Variants in STXBP5 observed in about 807,000 individuals in gnomAD.
The protein encoded by STXBP5 is syntaxin-binding protein 5.
A neutral mutation model predicts 152.4 loss-of-function variants in STXBP5; 50 were observed. The observed-to-expected ratio is 0.33, with a 90% CI of 0.26 to 0.42. STXBP5 has a LOEUF of 0.42. STXBP5 is among the 10% of genes least tolerant of loss of function. The probability of loss-of-function intolerance (pLI) is 1.00; values close to 1 mark genes in which losing one functional copy is unlikely to be tolerated. For synonymous variants in STXBP5, 492 were observed against 494.7 expected, an observed-to-expected ratio of 0.99 and a Z score of 0.07; for missense variants, 1,167 against 1,388.6, an observed-to-expected ratio of 0.84 and a Z score of 2.54.
chr6:147,363,299 A>T, intron 23 of STXBP5, 36 bp from the exon 24 acceptor site: 2 of 1,526,754 alleles, frequency 1.3e-6, no homozygotes, highest in Middle Eastern at 3.5e-4. Context: ...TGTTGATTAA[A>T]ATATTTCAGT....
chr6:147,263,340 TTC>T (rs1287321386), intron 6 of STXBP5, among the ~76,000 whole-genome samples: 1 of 147,618 alleles, frequency 6.8e-6, no homozygotes, highest in African/African-American at 2.5e-5. Flanking sequence ...TTTTCTTTCT[TTC>T]TTTTTTTTTT....
chr6:147,272,594 G>A (rs994179822), intron 7 of STXBP5, among the ~76,000 whole-genome samples: 1 of 152,006 alleles, frequency 6.6e-6, no homozygotes, highest in Admixed American at 6.5e-5. Context: ...ACTAGTGAGG[G>A]TTAAAAATTT....
chr6:147,272,310 A>G (rs184867510), intron 7 of STXBP5, among the ~76,000 whole-genome samples: 1 of 152,338 alleles, frequency 6.6e-6, no homozygotes, highest in East Asian at 1.9e-4. Context: ...ACTACAGACC[A>G]GTATCCTTGG....
rs188635161 is a variant in STXBP5, at chr6:147,379,496, T to C, written c.3194-3282T>C. ...TAAAAGATACCAGTTCTCTCAAAACTGATGTCTGTATGTATATATACACAT... is the reference window on the plus strand; with the variant it reads ...TAAAAGATACCAGTTCTCTCAAAACCGATGTCTGTATGTATATATACACAT... On this transcript the variant is annotated intron_variant, in intron 26 of 27. Coordinates refer to ENST00000321680, the MANE Select transcript of STXBP5 (RefSeq NM_001127715.4). 2.5e-3 allele frequency among the ~76,000 whole-genome samples: 376 copies of C among 152,292 alleles called. 1 individual carries two copies. Among genetic ancestry groups the C allele is most frequent in the African/African-American group, 8.2e-3 (343 of 41,580 alleles).
At chr6:147,364,445 C>T (rs1360749744) in intron 25 of STXBP5, among the ~76,000 whole-genome samples, 1 of 152,176 alleles carries the variant, frequency 6.6e-6, no homozygotes, top group East Asian at 1.9e-4. Flanking sequence ...TTTATAACTA[C>T]TCTCTACATA....
chr6:147,381,565 C>A (rs905475092), intron 26 of STXBP5, among the ~76,000 whole-genome samples: 1 of 152,128 alleles, frequency 6.6e-6, no homozygotes, highest in Admixed American at 6.6e-5. Context: ...CATGCATTTA[C>A]CCAAACATTT....
chr6:147,346,772 A>G (rs564620168), intron 21 of STXBP5, among the ~76,000 whole-genome samples: 3 of 152,148 alleles, frequency 2.0e-5, no homozygotes, highest in Non-Finnish European at 2.9e-5. Flanking sequence ...CAGAAGTTCA[A>G]CTTTAGGCCT....
chr6:147,206,299 A>G (rs1356165408), intron 2 of STXBP5, among the ~76,000 whole-genome samples: 1 of 152,192 alleles, frequency 6.6e-6, no homozygotes, highest in Non-Finnish European at 1.5e-5. Context: ...ATAGAGGTCT[A>G]AAGTTTTTTT....
intron 16 of STXBP5, among the ~76,000 whole-genome samples, chr6:147,318,291 A>T (rs1228900257): frequency 6.6e-6 from 1 of 152,160 alleles, no homozygotes; most frequent in Non-Finnish European, 1.5e-5. Context: ...GGTTAAAGTT[A>T]AAGGCCAGCC....
intron 16 of STXBP5, among the ~76,000 whole-genome samples, chr6:147,323,171 C>T (rs2128382720): frequency 6.6e-6 from 1 of 152,126 alleles, no homozygotes; most frequent in East Asian, 1.9e-4. Context: ...TCTTTTGTGC[C>T]AGTGTTAAAA....
intron 7 of STXBP5, among the ~76,000 whole-genome samples, chr6:147,277,460 A>C (rs528772612): frequency 5.3e-5 from 8 of 152,232 alleles, no homozygotes; most frequent in Admixed American, 5.2e-4. Flanking sequence ...GAGCAAAAAA[A>C]TGAGGGGTAT....
chr6:147,375,702 CTAAT>C (rs1424247661), intron 26 of STXBP5, among the ~76,000 whole-genome samples: 2 of 151,008 alleles, frequency 1.3e-5, no homozygotes, highest in African/African-American at 2.4e-5. Flanking sequence ...TTTGAGAAGC[CTAAT>C]TAATTCCAAT....
At chr6:147,297,285 A>C (rs965986757) in intron 9 of STXBP5, among the ~76,000 whole-genome samples, 1 of 152,208 alleles carries the variant, frequency 6.6e-6, no homozygotes, top group Non-Finnish European at 1.5e-5. Flanking sequence ...AGGTTAGTAG[A>C]GAATGGATGG....
At chr6:147,372,551 C>T (rs1045580383) in intron 25 of STXBP5, among the ~76,000 whole-genome samples, 2 of 149,662 alleles carry the variant, frequency 1.3e-5, no homozygotes, top group Non-Finnish European at 3.0e-5. Flanking sequence ...TCTCCTGCCT[C>T]AGCCTCCTAA....
rs1461849572 is a variant in STXBP5 at position 147,389,091 on chromosome 6, G to A, written c.*4336G>A. The A allele has an allele frequency of 6.6e-6, 1 of 151,228 alleles. No homozygotes were observed. The highest frequency in any genetic ancestry group is 1.5e-5 in the Non-Finnish European group (1 of 67,560). The allele number at this position is 151,228 out of a possible 1,614,324, so 9.4% of individuals were successfully genotyped here. A position where few individuals can be genotyped will look rare whatever the true frequency, so the allele number is the denominator to read the frequency against. On this transcript the variant is annotated 3_prime_UTR_variant, in exon 28 of 28. Coordinates refer to ENST00000321680, the MANE Select transcript of STXBP5 (RefSeq NM_001127715.4). ...TTTGTTCTCTTGGATTGAAATTTATGCCCACAGATTTTTCTTTTCATTTGA... is the reference window on the plus strand; with the variant it reads ...TTTGTTCTCTTGGATTGAAATTTATACCCACAGATTTTTCTTTTCATTTGA...
chr6:147,222,478 T>C (rs1777507707), intron 2 of STXBP5, among the ~76,000 whole-genome samples: 1 of 152,066 alleles, frequency 6.6e-6, no homozygotes, highest in South Asian at 2.1e-4. Flanking sequence ...TCTTAATCTC[T>C]TCTCCCCACA....
At chr6:147,250,361 G>A (rs1017606122) in intron 4 of STXBP5, among the ~76,000 whole-genome samples, 7 of 152,074 alleles carry the variant, frequency 4.6e-5, no homozygotes, top group African/African-American at 1.7e-4. Flanking sequence ...TGTAGGTTGT[G>A]TATCCCTGGA....
intron 2 of STXBP5, among the ~76,000 whole-genome samples, chr6:147,232,740 A>G (rs887783279): frequency 6.6e-6 from 1 of 151,826 alleles, no homozygotes; most frequent in African/African-American, 2.4e-5. Flanking sequence ...GCTACTCAGT[A>G]AGTGGTTCTT....
At chr6:147,285,255 G>T (rs988852636) in intron 8 of STXBP5, among the ~76,000 whole-genome samples, 3 of 152,116 alleles carry the variant, frequency 2.0e-5, no homozygotes, top group Non-Finnish European at 2.9e-5. Context: ...TCCTCTGGTG[G>T]CATAGCATTT....
Sources: gnomAD v4.1 joint callset for allele counts (sites outside exome capture counted in the v4.1 genomes callset) on GRCh38, gnomAD v4.1.1 for gene constraint, MANE v1.5 for transcripts, NCBI Gene and HGNC (gene_info 2026-07-23, HGNC 2026-07-21) for gene names.